Variants in HFE observed in about 807,000 individuals in gnomAD.
HFE encodes the protein hereditary hemochromatosis protein.
HFE carries 36 observed loss-of-function variants against 40.9 expected under a neutral mutation model. That is an observed-to-expected ratio of 0.88 (90% confidence interval 0.67 to 1.16). The LOEUF is 1.16. Among genes scored for constraint, HFE ranks in the 50% most tolerant of loss-of-function variants. HFE has a pLI of 0.00. For missense variants in HFE, 376 were observed against 432.0 expected (o/e 0.87, Z 1.15); for synonymous variants, 157 against 165.4 (o/e 0.95, Z 0.39).
chr6:26,089,111 G>T (rs866346041), intron 1 of HFE, among the ~76,000 whole-genome samples: 1,644 of 136,894 alleles, frequency 0.012, 37 homozygotes, highest in African/African-American at 0.029. Context: ...GTGTGTGTGG[G>T]GGGGGGGGGC....
chr6:26,093,308 G>A (rs1581673421), intron 5 of HFE, 76 bp downstream of exon 5: 2 of 989,932 alleles, frequency 2.0e-6, no homozygotes, highest in Non-Finnish European at 3.2e-6. Context: ...GAGGGGATCT[G>A]GCATCCATGG....
intron 2 of HFE, 48 bp downstream of exon 2, chr6:26,091,152 A>T (rs762789325): frequency 4.3e-6 from 7 of 1,612,278 alleles, no homozygotes; most frequent in Non-Finnish European, 1.7e-6. Context: ...AGAGCTTTTC[A>T]TCTTTTCATG....
intron 2 of HFE, 60 bp downstream of exon 2, chr6:26,091,164 A>G: frequency 6.2e-7 from 1 of 1,609,624 alleles, no homozygotes; most frequent in South Asian, 1.1e-5. Context: ...CTTTTCATGC[A>G]TCTTGAAGGA....
rs141229562 is a variant in HFE at position 26,093,178 on chromosome 6, G to C, written c.952G>C (p.Val318Leu). The C allele has an allele frequency of 1.2e-6, 2 of 1,614,052 alleles. No individual in the cohort carries two copies. Among genetic ancestry groups the C allele is most frequent in the Non-Finnish European group, 1.7e-6 (2 of 1,179,998 alleles). ...CATCAGTGGAATTGCTGTTTTTGTCGTCATCTTGTTCATTGGAATTTTGTT... is the reference window on the plus strand; with the variant it reads ...CATCAGTGGAATTGCTGTTTTTGTCCTCATCTTGTTCATTGGAATTTTGTT... ...GVISGIAVFV[V>L]ILFIGILFII... Residue 318 changes from valine to leucine, a missense_variant, in exon 5 of 6, where the codon GTC (valine) becomes CTC (leucine). Transcript: ENST00000357618.
At chr6:26,090,442 CAAAAAA>C (rs56267433) in intron 1 of HFE, among the ~76,000 whole-genome samples, 1 of 36,728 alleles carries the variant, frequency 2.7e-5, no homozygotes, top group Non-Finnish European at 4.7e-5. Flanking sequence ...GACTCTGTCT[CAAAAAA>C]AAAAAAAAAA....
Position 26,095,986 on chromosome 6 carries a change from C to A in HFE, c.*1760C>A, listed in dbSNP as rs1763010511. The A allele has an allele frequency of 6.5e-6, 1 of 152,912 alleles. No homozygotes were observed. Among genetic ancestry groups the A allele is most frequent in the African/African-American group, 2.4e-5 (1 of 41,386 alleles). The allele number at this position is 152,912 out of a possible 1,614,324, so 9.5% of individuals were successfully genotyped here. ...CTCAATGAAGTGGAGTAAGCTCTCT[C>A]ATTTTGAGATGGTATAATGGAAGCC... On this transcript the variant is annotated 3_prime_UTR_variant, in exon 6 of 6. Transcript: ENST00000357618.
intron 1 of HFE, among the ~76,000 whole-genome samples, chr6:26,087,830 CTGAGCTAAGCCTGGGGCTCCT>C (rs1192156579): frequency 3.9e-5 from 6 of 152,218 alleles, no homozygotes; most frequent in Non-Finnish European, 8.8e-5. Context: ...CTCACTTGAG[CTGAGCTAAGCCTGGGGCTCCT>C]TGAACCTGGA....
intron 1 of HFE, among the ~76,000 whole-genome samples, chr6:26,090,460 A>C (rs957489117): frequency 1.0e-4 from 15 of 150,688 alleles, no homozygotes; most frequent in Non-Finnish European, 1.6e-4. Flanking sequence ...AAAAAAAAAA[A>C]AAAAAAAAAA....
At chr6:26,090,471 A>AAAAAC (rs1762616116) in intron 1 of HFE, among the ~76,000 whole-genome samples, 13 of 144,494 alleles carry the variant, frequency 9.0e-5, no homozygotes, top group East Asian at 4.0e-4. Context: ...AAAAAAAAAA[A>AAAAAC]CTGAAGGAAT....
intron 3 of HFE, among the ~76,000 whole-genome samples, chr6:26,092,278 T>G (rs1453410509): frequency 6.6e-6 from 1 of 152,022 alleles, no homozygotes; most frequent in Non-Finnish European, 1.5e-5. Flanking sequence ...GAAGAATCCT[T>G]TAGGTTAAAA....
Position 26,091,083 on chromosome 6 carries a change from G to A in HFE, c.319G>A (p.Glu107Lys). ...MFTVDFWTIM[E>K]NHNHSKESHT... is the part of the protein sequence containing the mutation. Reference sequence around the variant, plus strand: ...CACTGTTGACTTCTGGACTATTATGGAAAATCACAACCACAGCAAGGGTAT... The same window carrying A: ...CACTGTTGACTTCTGGACTATTATGAAAAATCACAACCACAGCAAGGGTAT... Residue 107 changes from glutamate to lysine, a missense_variant, in exon 2 of 6, where the codon GAA becomes AAA. Physicochemically the swap from Glu to Lys is moderately conservative, Grantham distance 56. Around this residue, in one of 3 missense-constraint regions of HFE, gnomAD observed 200 missense variants for 228.5 expected, o/e 0.88. Coordinates refer to ENST00000357618, the MANE Select transcript of HFE (RefSeq NM_000410.4). 1 of 1,614,176 alleles carries A rather than the reference G, an allele frequency of 6.2e-7. No homozygotes were observed. Among genetic ancestry groups the A allele is most frequent in the Non-Finnish European group, 8.5e-7 (1 of 1,180,032 alleles).
chr6:26,089,112 G>C (rs56275179), intron 1 of HFE, among the ~76,000 whole-genome samples: 16,313 of 138,624 alleles, frequency 0.12, 1,722 homozygotes, highest in African/African-American at 0.21. Context: ...TGTGTGTGGG[G>C]GGGGGGGGCG....
intron 3 of HFE, among the ~76,000 whole-genome samples, chr6:26,091,970 G>A (rs1424446850): frequency 6.6e-6 from 1 of 151,986 alleles, no homozygotes; most frequent in Non-Finnish European, 1.5e-5. Flanking sequence ...AAGGTCAGGA[G>A]TTTGAGACCA....
chr6:26,097,296 G>A lies in HFE; in HGVS notation c.*3070G>A, dbSNP rs1317279693. ...CTGTGGCCTGTTAATTTTTTTAATA[G>A]AAATTTTAAGTCCTCATTTTCTTTC... is the stretch of plus-strand genomic sequence containing the variant. On this transcript the variant is annotated 3_prime_UTR_variant, in exon 6 of 6. Coordinates refer to ENST00000357618, the MANE Select transcript of HFE (RefSeq NM_000410.4). 6.6e-6 allele frequency: 1 copy of A among 152,096 alleles called. No individual in the cohort carries two copies. Among genetic ancestry groups the A allele is most frequent in the Non-Finnish European group, 1.5e-5 (1 of 68,014 alleles). 9.4% of individuals were successfully genotyped at this position (152,096 alleles called of 1,614,324 possible). A position where few individuals can be genotyped will look rare whatever the true frequency, so the allele number is the denominator to read the frequency against.
intron 2 of HFE, 57 bp downstream of exon 2, chr6:26,091,161 T>G: frequency 6.2e-7 from 1 of 1,610,898 alleles, no homozygotes; most frequent in Non-Finnish European, 8.5e-7. Flanking sequence ...CATCTTTTCA[T>G]GCATCTTGAA....
chr6:26,091,872 C>T (rs1762732913), intron 3 of HFE, among the ~76,000 whole-genome samples: 5 of 151,914 alleles, frequency 3.3e-5, no homozygotes, highest in Admixed American at 3.3e-4. Flanking sequence ...TATATTTATA[C>T]CTGTTAAAAA....
At chr6:26,092,016 A>G (rs557749734) in intron 3 of HFE, among the ~76,000 whole-genome samples, 1 of 152,060 alleles carries the variant, frequency 6.6e-6, no homozygotes, top group South Asian at 2.1e-4. Context: ...CTCTAAAAAA[A>G]TACAAAAATT....
rs138993448 is a variant in HFE at position 26,093,206 on chromosome 6, T to C, written c.980T>C (p.Ile327Thr). 6.2e-7 allele frequency: 1 copy of C among 1,613,550 alleles called. No individual in the cohort carries two copies. The highest frequency in any genetic ancestry group is 1.3e-5 in the African/African-American group (1 of 74,868). ...VVILFIGILF[I>T]ILRKRQGSRG... is the part of the protein sequence containing the mutation. ...ATCTTGTTCATTGGAATTTTGTTCA[T>C]AATATTAAGGAAGAGGCAGGGTTCA... Residue 327 changes from isoleucine to threonine, a missense_variant, in exon 5 of 6, where the codon ATA becomes ACA. Ile to Thr is a moderately conservative substitution (Grantham distance 89, BLOSUM62 -1). This residue lies in a region of HFE where 173 missense variants were observed against 186.9 expected (regional missense o/e 0.93). Transcript: ENST00000357618.
chr6:26,087,907 C>G (rs781158871), intron 1 of HFE, among the ~76,000 whole-genome samples: 6 of 152,238 alleles, frequency 3.9e-5, no homozygotes, highest in Non-Finnish European at 8.8e-5. Flanking sequence ...TTTCCCCAGT[C>G]ATCTCCAAAC....
Sources: gnomAD v4.1 joint callset for allele counts (sites outside exome capture counted in the v4.1 genomes callset) on GRCh38, gnomAD v4.1.1 for gene constraint, gnomAD v4.1.1 regional missense constraint, MANE v1.5 for transcripts, NCBI Gene and HGNC (gene_info 2026-07-23, HGNC 2026-07-21) for gene names.